ARHGAP44: variants seen among roughly 807,000 people sequenced by gnomAD.
ARHGAP44 encodes Rho GTPase activating protein 44.
In ARHGAP44, 43 loss-of-function variants were observed where a neutral mutation model predicts 106.8. That is an observed-to-expected ratio of 0.40 (90% confidence interval 0.32 to 0.52). ARHGAP44 has a LOEUF of 0.52. ARHGAP44 is among the 20% of genes least tolerant of loss of function. The pLI is 0.48. For synonymous variants in ARHGAP44, 439 were observed against 410.3 expected (o/e 1.07, Z -0.85); for missense variants, 866 against 1,050.5 (o/e 0.82, Z 2.43).
chr17:12,819,338 A>AT (rs796384552), intron 1 of ARHGAP44, among the ~76,000 whole-genome samples: 36 of 152,082 alleles, frequency 2.4e-4, no homozygotes, highest in African/African-American at 7.9e-4. Flanking sequence ...CCATTCACCT[A>AT]TTGGTGGACA....
chr17:12,842,104 A>G (rs1488585164), intron 1 of ARHGAP44, among the ~76,000 whole-genome samples: 2 of 151,936 alleles, frequency 1.3e-5, no homozygotes. Context: ...CCCGCTCCCA[A>G]AGATTTGATG....
At position 12,802,888 on chromosome 17, in the gene ARHGAP44, A is replaced by T. The variant is rs182510203; in HGVS notation, c.53+12997A>T. On this transcript the variant is annotated intron_variant, in intron 1 of 20. Transcript: ENST00000379672. ...ATTCTTGTGCCTTAGCATCCTAAAT[A>T]GTTGGGACTACTGGCATGTACCACC... Among the ~76,000 whole-genome samples, 865 of 127,730 alleles carry T rather than the reference A, an allele frequency of 6.8e-3. 15 individuals carry two copies. Among genetic ancestry groups the T allele is most frequent in the African/African-American group, 0.024 (826 of 34,204 alleles). 83.8% of individuals were successfully genotyped at this position (127,730 alleles called of 152,430 possible).
At chr17:12,862,459 TA>T (rs1037880699) in intron 1 of ARHGAP44, among the ~76,000 whole-genome samples, 5 of 152,146 alleles carry the variant, frequency 3.3e-5, no homozygotes, top group African/African-American at 1.2e-4. Flanking sequence ...CTTTGGAGCA[TA>T]GGGGGCAGCC....
chr17:12,969,581 T>C lies in ARHGAP44; in HGVS notation c.1524-3721T>C, dbSNP rs115773836. ...CTTTCAAAGCCCTGCTGTCCTGAGC[T>C]GGAGAGGCTGTGGAGTCACCACGTT... is the stretch of plus-strand genomic sequence containing the variant. On this transcript the variant is annotated intron_variant, in intron 16 of 20. Coordinates refer to ENST00000379672, the MANE Select transcript of ARHGAP44 (RefSeq NM_014859.6). Among the ~76,000 whole-genome samples, 1,248 of 152,352 alleles carry C rather than the reference T, an allele frequency of 8.2e-3. 19 individuals are homozygous for C. Among genetic ancestry groups the C allele is most frequent in the African/African-American group, 0.029 (1,204 of 41,586 alleles).
chr17:12,821,264 C>T (rs1567631395), intron 1 of ARHGAP44, among the ~76,000 whole-genome samples: 1 of 152,148 alleles, frequency 6.6e-6, no homozygotes, highest in Non-Finnish European at 1.5e-5. Context: ...GTGTTGTCTT[C>T]AGGTGTTTCC....
At chr17:12,832,189 A>C (rs571358117) in intron 1 of ARHGAP44, among the ~76,000 whole-genome samples, 2 of 152,262 alleles carry the variant, frequency 1.3e-5, no homozygotes, top group Non-Finnish European at 2.9e-5. Flanking sequence ...ATTTATTCAG[A>C]GACTGGGGTT....
At chr17:12,822,675 G>A (rs1221285729) in intron 1 of ARHGAP44, among the ~76,000 whole-genome samples, 2 of 152,168 alleles carry the variant, frequency 1.3e-5, no homozygotes, top group Admixed American at 1.3e-4. Context: ...AAACAATTAT[G>A]CAGCCACAGA....
chr17:12,916,782 T>G (rs1264127477), intron 5 of ARHGAP44, among the ~76,000 whole-genome samples: 1 of 152,192 alleles, frequency 6.6e-6, no homozygotes, highest in Non-Finnish European at 1.5e-5. Context: ...ATGTGAAAAC[T>G]TTGCTAGCTT....
At chr17:12,920,332 T>C (rs559107394) in intron 6 of ARHGAP44, among the ~76,000 whole-genome samples, 9,005 of 109,706 alleles carry the variant, frequency 0.082, 637 homozygotes, top group African/African-American at 0.27. Context: ...GCCGAGATCA[T>C]GCCACTGCAT....
rs1157325814 is a variant in ARHGAP44, at chr17:12,978,036, CA to C, written c.1764-2002del. 6.8e-4 allele frequency among the ~76,000 whole-genome samples: 61 copies of C among 89,298 alleles called. 3 individuals are homozygous for C. The highest frequency in any genetic ancestry group is 0.015 in the Middle Eastern group (2 of 130). 58.6% of individuals were successfully genotyped at this position (89,298 alleles called of 152,430 possible). A position where few individuals can be genotyped will look rare whatever the true frequency, so the allele number is the denominator to read the frequency against. On this transcript the variant is annotated intron_variant, in intron 18 of 20. Coordinates refer to ENST00000379672, the MANE Select transcript of ARHGAP44 (RefSeq NM_014859.6). ...TGGGCAACAGAGCAAGACTCCATCTCAAAAAAAAAAAAAAAAAAAAGTGTGT... is the reference window on the plus strand; with the variant it reads ...TGGGCAACAGAGCAAGACTCCATCTCAAAAAAAAAAAAAAAAAAAGTGTGT...
rs536400088 is a variant in ARHGAP44 at position 12,876,904 on chromosome 17, C to T, written c.54-18036C>T. ...CCAGCCTGGTGACAGAGTGAGACTC[C>T]GTCTCAAAAAAAAAAAAAAAAAAAG... is the stretch of plus-strand genomic sequence containing the variant. On this transcript the variant is annotated intron_variant, in intron 1 of 20. Coordinates refer to ENST00000379672, the MANE Select transcript of ARHGAP44 (RefSeq NM_014859.6). 3.1e-4 allele frequency among the ~76,000 whole-genome samples: 40 copies of T among 127,036 alleles called. No homozygotes were observed. In the East Asian group the frequency reaches 6.4e-3, roughly 20 times the overall value. The allele number at this position is 127,036 out of a possible 152,430, so 83.3% of individuals were successfully genotyped here. A position where few individuals can be genotyped will look rare whatever the true frequency, so the allele number is the denominator to read the frequency against.
chr17:12,802,930 TATATATATA>T (rs1282104749), intron 1 of ARHGAP44, among the ~76,000 whole-genome samples: 6 of 9,180 alleles, frequency 6.5e-4, no homozygotes, highest in Non-Finnish European at 1.1e-3. Context: ...GGCTAATTTA[TATATATATA>T]TATATATATA....
At chr17:12,938,856 A>G (rs140101276) in intron 7 of ARHGAP44, among the ~76,000 whole-genome samples, 237 of 152,312 alleles carry the variant, frequency 1.6e-3, no homozygotes, top group Non-Finnish European at 2.7e-3. Flanking sequence ...CAGTAATCCA[A>G]TCATGCCTTT....
chr17:12,862,156 G>A (rs2036105929), intron 1 of ARHGAP44, among the ~76,000 whole-genome samples: 1 of 152,146 alleles, frequency 6.6e-6, no homozygotes, highest in Admixed American at 6.5e-5. Context: ...CCTTGGCTGG[G>A]TCCCTTGGGA....
At chr17:12,951,109 T>A (rs1265263438) in intron 12 of ARHGAP44, among the ~76,000 whole-genome samples, 1 of 152,228 alleles carries the variant, frequency 6.6e-6, no homozygotes, top group African/African-American at 2.4e-5. Context: ...TATGGTTCTC[T>A]TTTATCTCAT....
chr17:12,984,201 G>A (rs1400373489), intron 19 of ARHGAP44, among the ~76,000 whole-genome samples: 1 of 152,204 alleles, frequency 6.6e-6, no homozygotes, highest in African/African-American at 2.4e-5. Flanking sequence ...CACTGGGAAG[G>A]CAGCCCACTC....
intron 10 of ARHGAP44, among the ~76,000 whole-genome samples, chr17:12,945,913 A>G (rs981986853): frequency 6.6e-6 from 1 of 151,982 alleles, no homozygotes; most frequent in Admixed American, 6.6e-5. Flanking sequence ...CAGCCTCCCA[A>G]GTAACTGGGA....
Position 12,956,751 on chromosome 17 carries a change from G to A in ARHGAP44, c.1342+5G>A. ...CAGACTGGTTCTTCCCTGGGGGTAG[G>A]TGACAGCACCTAGGTGTGGGGGCAA... On this transcript the variant is annotated splice_donor_5th_base_variant and intron_variant, in intron 15 of 20. Transcript: ENST00000379672. The A allele has an allele frequency of 6.2e-7, 1 of 1,613,456 alleles. No individual in the cohort carries two copies. The highest frequency in any genetic ancestry group is 8.5e-7 in the Non-Finnish European group (1 of 1,179,500).
intron 2 of ARHGAP44, among the ~76,000 whole-genome samples, chr17:12,895,862 T>A (rs944383984): frequency 7.2e-5 from 11 of 152,072 alleles, no homozygotes; most frequent in Admixed American, 4.6e-4. Flanking sequence ...CAAATGTCCA[T>A]CAATGATAGA....
Sources: gnomAD v4.1 joint callset for allele counts (sites outside exome capture counted in the v4.1 genomes callset) on GRCh38, gnomAD v4.1.1 for gene constraint, MANE v1.5 for transcripts, NCBI Gene and HGNC (gene_info 2026-07-23, HGNC 2026-07-21) for gene names.